Variants in TNFSF8 observed in about 807,000 individuals in gnomAD.
TNFSF8 encodes TNF superfamily member 8, also known as tumor necrosis factor ligand superfamily member 8.
Under a neutral mutation model 22.0 loss-of-function variants are expected in TNFSF8, and 4 were observed. The ratio of observed to expected loss-of-function variants is 0.18; its 90% CI spans 0.09 to 0.42. TNFSF8 has a LOEUF of 0.42. Ranked by LOEUF, TNFSF8 falls within the 10% of genes least tolerant of loss-of-function variation. TNFSF8 has a pLI of 1.00. For missense variants in TNFSF8, 233 were observed against 281.8 expected, an observed-to-expected ratio of 0.83 and a Z score of 1.24; for synonymous variants, 106 against 112.5, an observed-to-expected ratio of 0.94 and a Z score of 0.37.
Position 114,930,187 on chromosome 9 carries a change from G to A in TNFSF8, c.117C>T (p.Phe39=). ...SHLGTTSRSY[F]YLTTATLALC... ...GAGCCAGAGTGGCTGTGGTCAAATA[G>A]AAATAGCTGCGGCTCGTGGTCCCCA... is the stretch of plus-strand genomic sequence containing the variant. Residue 39 remains phenylalanine, a synonymous_variant, in exon 1 of 4, where the codon TTC becomes TTT. Coordinates refer to ENST00000223795, the MANE Select transcript of TNFSF8 (RefSeq NM_001244.4). 6.2e-7 allele frequency: 1 copy of A among 1,605,576 alleles called. No homozygotes were observed.
Position 114,902,372 on chromosome 9 carries a change from C to G in TNFSF8, c.*1559G>C. ...GAGCAGCCATTCCCTGGCTAGATGACCACATCACTGTTGCACACTGATTGT... is the reference window on the plus strand; with the variant it reads ...GAGCAGCCATTCCCTGGCTAGATGAGCACATCACTGTTGCACACTGATTGT... On this transcript the variant is annotated 3_prime_UTR_variant, in exon 4 of 4. Transcript: ENST00000223795. The G allele has an allele frequency of 1.0e-6, 1 of 985,412 alleles. No individual in the cohort carries two copies. The highest frequency in any genetic ancestry group is 1.2e-6 in the Non-Finnish European group (1 of 829,930). The allele number at this position is 985,412 out of a possible 1,614,324, so 61.0% of individuals were successfully genotyped here.
chr9:114,925,941 A>G (rs987721331), intron 1 of TNFSF8, among the ~76,000 whole-genome samples: 4 of 152,094 alleles, frequency 2.6e-5, no homozygotes, highest in Non-Finnish European at 5.9e-5. Context: ...AGTCTATCTC[A>G]TTGTCTATCT....
intron 2 of TNFSF8, among the ~76,000 whole-genome samples, chr9:114,914,353 T>A (rs1186921724): frequency 6.6e-6 from 1 of 152,202 alleles, no homozygotes; most frequent in East Asian, 1.9e-4. Context: ...TCTGTAGATG[T>A]CGCTATTCAT....
chr9:114,898,249 G>A (rs943612832), downstream of TNFSF8, among the ~76,000 whole-genome samples: 23 of 152,158 alleles, frequency 1.5e-4, no homozygotes, highest in African/African-American at 3.9e-4. Flanking sequence ...TGATCCGCCC[G>A]CCTCGACCTC....
At chr9:114,923,522 C>CT (rs1554778310) in intron 1 of TNFSF8, among the ~76,000 whole-genome samples, 1,770 of 89,710 alleles carry the variant, frequency 0.02, 102 homozygotes, top group African/African-American at 0.076. Context: ...TTCTTTCTTT[C>CT]TTTTTTTTTT....
intron 4 of TNFSF8, among the ~76,000 whole-genome samples, chr9:114,894,355 G>A (rs1038942477): frequency 7.2e-6 from 1 of 138,074 alleles, no homozygotes; most frequent in Admixed American, 7.4e-5. Flanking sequence ...TAATTTAGCG[G>A]AATGGTTCTT....
chr9:114,907,889 C>T (rs1367100334), intron 2 of TNFSF8, among the ~76,000 whole-genome samples: 7 of 152,214 alleles, frequency 4.6e-5, no homozygotes, highest in Admixed American at 4.6e-4. Context: ...TGTTCACATT[C>T]ACACAGGTAG....
chr9:114,901,352 T>G lies in TNFSF8; in HGVS notation c.*2579A>C, dbSNP rs1163337598. On this transcript the variant is annotated 3_prime_UTR_variant, in exon 4 of 4. Coordinates refer to ENST00000223795, the MANE Select transcript of TNFSF8 (RefSeq NM_001244.4). Reference sequence around the variant, plus strand: ...TTTTTTGTTTGTTTGGTTACATTATTCATTTAAATGATGTACCCCTTGTGT... The same window carrying G: ...TTTTTTGTTTGTTTGGTTACATTATGCATTTAAATGATGTACCCCTTGTGT... The G allele has an allele frequency of 3.0e-6, 3 of 985,420 alleles. No individual in the cohort carries two copies. The highest frequency in any genetic ancestry group is 3.6e-6 in the Non-Finnish European group (3 of 829,926). 61.0% of individuals were successfully genotyped at this position (985,420 alleles called of 1,614,324 possible).
chr9:114,915,761 T>C (rs1197874368), intron 2 of TNFSF8, among the ~76,000 whole-genome samples: 1 of 104,468 alleles, frequency 9.6e-6, no homozygotes, highest in East Asian at 2.3e-4. Context: ...TTAACAAAAG[T>C]TTCACAGTCC....
intron 1 of TNFSF8, among the ~76,000 whole-genome samples, chr9:114,926,008 T>G (rs894243104): frequency 1.3e-5 from 2 of 152,238 alleles, no homozygotes; most frequent in African/African-American, 4.8e-5. Flanking sequence ...TTTTCTTCTT[T>G]TGCTTTGCTA....
downstream of TNFSF8, among the ~76,000 whole-genome samples, chr9:114,899,342 A>ATTTTTTTTTTTTTTTTTTTT (rs137946179): frequency 2.1e-5 from 3 of 142,632 alleles, no homozygotes; most frequent in African/African-American, 2.7e-5. Context: ...ACAGTAAGTT[A>ATTTTTTTTTTTTTTTTTTTT]TTATTTTTTT....
chr9:114,917,047 T>G (rs1041489141), intron 2 of TNFSF8, among the ~76,000 whole-genome samples: 2 of 152,194 alleles, frequency 1.3e-5, no homozygotes, highest in African/African-American at 4.8e-5. Context: ...CTTTTGCCCC[T>G]ATTTTTGAAG....
chr9:114,896,182 T>A (rs1827653578), downstream of TNFSF8, among the ~76,000 whole-genome samples: 1 of 152,230 alleles, frequency 6.6e-6, no homozygotes, highest in Non-Finnish European at 1.5e-5. Flanking sequence ...GATTGTAAGG[T>A]GCACCTGAAT....
chr9:114,927,678 C>T (rs771981158), intron 1 of TNFSF8, among the ~76,000 whole-genome samples: 27 of 152,198 alleles, frequency 1.8e-4, no homozygotes, highest in African/African-American at 5.1e-4. Context: ...TGTCTATACA[C>T]GTGCCTTGGG....
downstream of TNFSF8, among the ~76,000 whole-genome samples, chr9:114,898,796 G>A (rs1827683569): frequency 6.6e-6 from 1 of 152,136 alleles, no homozygotes; most frequent in Non-Finnish European, 1.5e-5. Flanking sequence ...GGAGGTCTGA[G>A]GAAACAGAAT....
At position 114,902,482 on chromosome 9, in the gene TNFSF8, G is replaced by T. The variant is rs1031265440; in HGVS notation, c.*1449C>A. The stretch of plus-strand genomic sequence containing the variant: ...GTCAATCTAACTGGAATAGAGTCAG[G>T]CCTCGTCAGATGGTTTCCCAAACAC... On this transcript the variant is annotated 3_prime_UTR_variant, in exon 4 of 4. Transcript: ENST00000223795. 11 of 985,266 alleles carry T rather than the reference G, an allele frequency of 1.1e-5. No individual in the cohort carries two copies. The highest frequency in any genetic ancestry group is 1.3e-5 in the Non-Finnish European group (11 of 829,920). The allele number at this position is 985,266 out of a possible 1,614,324, so 61.0% of individuals were successfully genotyped here.
intron 1 of TNFSF8, among the ~76,000 whole-genome samples, chr9:114,929,542 G>A (rs922573778): frequency 6.6e-6 from 1 of 151,960 alleles, no homozygotes; most frequent in Non-Finnish European, 1.5e-5. Flanking sequence ...TAAAACAAAA[G>A]CAAAAACAAA....
chr9:114,924,010 A>G (rs1289038806), intron 1 of TNFSF8, among the ~76,000 whole-genome samples: 1 of 152,238 alleles, frequency 6.6e-6, no homozygotes, highest in Non-Finnish European at 1.5e-5. Context: ...ATCTGAGTAT[A>G]ACCATGAGTT....
intron 2 of TNFSF8, among the ~76,000 whole-genome samples, chr9:114,911,261 T>C (rs1032787845): frequency 2.6e-5 from 4 of 152,220 alleles, no homozygotes; most frequent in East Asian, 1.9e-4. Flanking sequence ...CTGAATCCTC[T>C]TTACATTTGT....
Sources: allele counts gnomAD v4.1 joint callset (sites outside exome capture counted in the v4.1 genomes callset), GRCh38; gene constraint gnomAD v4.1.1; transcripts MANE v1.5; gene names NCBI Gene and HGNC (gene_info 2026-07-23, HGNC 2026-07-21).